The following SYT16 variants were observed in gnomAD, a reference collection of about 807,000 sequenced individuals.
The protein encoded by SYT16 is synaptotagmin 16, also known as synaptotagmin-16.
A neutral mutation model predicts 61.4 loss-of-function variants in SYT16; 42 were observed. The ratio of observed to expected loss-of-function variants is 0.68; its 90% CI spans 0.53 to 0.89. SYT16 has a LOEUF of 0.89. SYT16 is among the 40% of genes least tolerant of loss of function. SYT16 has a pLI of 0.00. For synonymous variants in SYT16, 314 were observed against 302.3 expected (o/e 1.04, Z -0.40); for missense variants, 804 against 807.3 (o/e 1.00, Z 0.05).
chr14:62,088,264 C>T (rs576804208), intron 7 of SYT16, among the ~76,000 whole-genome samples: 1 of 152,180 alleles, frequency 6.6e-6, no homozygotes, highest in East Asian at 1.9e-4. Context: ...TACTATTCAG[C>T]AATAAAAAGT....
intron 1 of SYT16, among the ~76,000 whole-genome samples, chr14:61,913,724 G>GTGTGTGTGTGTGTA (rs1350724566): frequency 2.0e-5 from 3 of 151,948 alleles, no homozygotes; most frequent in Non-Finnish European, 4.4e-5. Context: ...GTGTGTGTGT[G>GTGTGTGTGTGTGTA]TGTGTGTGTG....
intron 2 of SYT16, among the ~76,000 whole-genome samples, chr14:61,971,802 T>C (rs944330441): frequency 7.2e-5 from 11 of 152,246 alleles, no homozygotes; most frequent in African/African-American, 2.2e-4. Context: ...GAACTTCCCA[T>C]GGGACATATG....
At chr14:61,959,072 C>T (rs535159853) in intron 1 of SYT16, among the ~76,000 whole-genome samples, 1 of 152,146 alleles carries the variant, frequency 6.6e-6, no homozygotes, top group East Asian at 1.9e-4. Flanking sequence ...AGCCACTTTG[C>T]TGTCTTTTGG....
intron 3 of SYT16, among the ~76,000 whole-genome samples, chr14:62,029,552 T>G (rs888157426): frequency 1.3e-5 from 2 of 152,204 alleles, no homozygotes; most frequent in Non-Finnish European, 2.9e-5. Context: ...GGGAGTTCTA[T>G]TCCCAGAATA....
At chr14:61,844,402 C>A (rs2046382504) in intron 1 of SYT16, among the ~76,000 whole-genome samples, 1 of 152,094 alleles carries the variant, frequency 6.6e-6, no homozygotes, top group Non-Finnish European at 1.5e-5. Flanking sequence ...ATTGCTCTAG[C>A]TAGGACTTCC....
At chr14:61,963,713 A>T (rs1298339131) in intron 1 of SYT16, among the ~76,000 whole-genome samples, 1 of 152,190 alleles carries the variant, frequency 6.6e-6, no homozygotes, top group African/African-American at 2.4e-5. Flanking sequence ...ACAGTCTTCT[A>T]CTGGAAGAAG....
At chr14:62,078,155 C>CTCTCTATATATATATA (rs766089633) in intron 5 of SYT16, among the ~76,000 whole-genome samples, 4 of 135,936 alleles carry the variant, frequency 2.9e-5, no homozygotes, top group African/African-American at 1.2e-4. Flanking sequence ...CTCTCTCTCT[C>CTCTCTATATATATATA]TATATATATA....
chr14:61,946,536 G>T (rs1189410675), intron 1 of SYT16, among the ~76,000 whole-genome samples: 1 of 152,054 alleles, frequency 6.6e-6, no homozygotes, highest in Non-Finnish European at 1.5e-5. Flanking sequence ...ACCTGCACTT[G>T]TACCCCTAAA....
At chr14:62,016,612 C>T (rs1453454781) in intron 3 of SYT16, among the ~76,000 whole-genome samples, 1 of 150,814 alleles carries the variant, frequency 6.6e-6, no homozygotes, top group African/African-American at 2.4e-5. Context: ...GCTCGGGAGG[C>T]TGAGGCAGGA....
Position 61,922,424 on chromosome 14 carries a change from C to T in SYT16, c.-324-47708C>T, listed in dbSNP as rs535815085. ...GAGTCCATTATCCTTAGCAAATTAA[C>T]TCAGGAACAGAAAACCAAATACTGC... On this transcript the variant is annotated intron_variant, in intron 1 of 7. Coordinates refer to ENST00000683842, the MANE Select transcript of SYT16 (RefSeq NM_001367656.1). Among the ~76,000 whole-genome samples, 4 of 152,266 alleles carry T rather than the reference C, an allele frequency of 2.6e-5. No individual in the cohort carries two copies. The East Asian group carries it at 7.7e-4, about 29-fold the overall frequency.
rs1382793562 is a variant in SYT16, at chr14:62,069,645, A to G, written c.566A>G (p.Asp189Gly). 1.9e-6 allele frequency: 3 copies of G among 1,613,962 alleles called. No homozygotes were observed. Among genetic ancestry groups the G allele is most frequent in the Admixed American group, 1.7e-5 (1 of 60,016 alleles). Residue 189 changes from aspartate to glycine, a missense_variant, in exon 4 of 8, where the codon GAC becomes GGC. By Grantham distance (94) the Asp-to-Gly change is moderately conservative. Transcript: ENST00000683842. ...GACGAAGAGCTGTCCACATCTTCTG[A>G]CAGTGACGAGGAGGTGATCAAACAA... is the stretch of plus-strand genomic sequence containing the variant. ...GDDEELSTSS[D>G]SDEEVIKQFE...
chr14:61,901,652 AC>A (rs984831455), intron 1 of SYT16, among the ~76,000 whole-genome samples: 4 of 151,970 alleles, frequency 2.6e-5, no homozygotes, highest in Non-Finnish European at 4.4e-5. Flanking sequence ...TAGCATGGTA[AC>A]TGGTCTTCAT....
chr14:62,038,516 C>T (rs956228159), intron 3 of SYT16, among the ~76,000 whole-genome samples: 1 of 152,044 alleles, frequency 6.6e-6, no homozygotes, highest in Non-Finnish European at 1.5e-5. Context: ...TTTACACATC[C>T]GTCTGCTTAA....
At chr14:62,037,865 C>T (rs77053714) in intron 3 of SYT16, among the ~76,000 whole-genome samples, 1,872 of 152,146 alleles carry the variant, frequency 0.012, 44 homozygotes, top group African/African-American at 0.043. Flanking sequence ...CCAGAGCCTT[C>T]TAGTGTCATA....
At chr14:61,843,097 C>A (rs2046346917) in intron 1 of SYT16, among the ~76,000 whole-genome samples, 1 of 151,530 alleles carries the variant, frequency 6.6e-6, no homozygotes, top group Admixed American at 6.6e-5. Flanking sequence ...AGGTATATAC[C>A]CAGCAGTGGG....
chr14:62,045,364 C>T (rs959192175), intron 3 of SYT16, among the ~76,000 whole-genome samples: 1 of 151,870 alleles, frequency 6.6e-6, no homozygotes, highest in East Asian at 1.9e-4. Context: ...ATAAAAGCAT[C>T]GGGGTATGTT....
intron 1 of SYT16, among the ~76,000 whole-genome samples, chr14:61,818,272 G>C (rs1383166543): frequency 1.3e-5 from 2 of 152,186 alleles, no homozygotes. Flanking sequence ...TTTTCTGGGA[G>C]AGGCATTTTG....
intron 1 of SYT16, among the ~76,000 whole-genome samples, chr14:61,837,853 A>G (rs1041491532): frequency 3.9e-5 from 6 of 152,192 alleles, no homozygotes; most frequent in African/African-American, 1.4e-4. Flanking sequence ...CTTTCTCAGT[A>G]TCCAGCAAAG....
chr14:61,930,099 C>T (rs1486893271), intron 1 of SYT16, among the ~76,000 whole-genome samples: 1 of 152,130 alleles, frequency 6.6e-6, no homozygotes, highest in Admixed American at 6.5e-5. Flanking sequence ...GGCTTCTAAA[C>T]CTGTGGATGC....
Sources: allele counts gnomAD v4.1 joint callset (sites outside exome capture counted in the v4.1 genomes callset), GRCh38; gene constraint gnomAD v4.1.1; transcripts MANE v1.5; gene names NCBI Gene and HGNC (gene_info 2026-07-23, HGNC 2026-07-21).